Variants in IHO1 observed in about 807,000 individuals in gnomAD.
The protein encoded by IHO1 is interactor of HORMAD1 protein 1.
Under a neutral mutation model 31.0 loss-of-function variants are expected in IHO1, and 13 were observed. That is an observed-to-expected ratio of 0.42 (90% CI 0.27 to 0.67). The LOEUF is 0.67. Ranked by LOEUF, IHO1 falls within the 30% of genes least tolerant of loss-of-function variation. The pLI is 0.24. For missense variants in IHO1, 599 were observed against 687.5 expected, an observed-to-expected ratio of 0.87 and a Z score of 1.44; for synonymous variants, 221 against 248.4, an observed-to-expected ratio of 0.89 and a Z score of 1.04.
At chr3:49,212,764 G>A (rs542704058) in intron 2 of IHO1, among the ~76,000 whole-genome samples, 4 of 152,204 alleles carry the variant, frequency 2.6e-5, no homozygotes, top group African/African-American at 7.2e-5. Flanking sequence ...AGACCTTTGC[G>A]GTGAGTGTTA....
At chr3:49,200,647 T>G (rs1218724364) in intron 1 of IHO1, 4 of 823,614 alleles carry the variant, frequency 4.9e-6, no homozygotes, top group Non-Finnish European at 5.9e-6. Flanking sequence ...CCTTCCCTTG[T>G]ATATAGTTCC....
chr3:49,205,809 GCC>G (rs1203619786), intron 1 of IHO1, among the ~76,000 whole-genome samples: 28 of 128,484 alleles, frequency 2.2e-4, no homozygotes, highest in Non-Finnish European at 2.6e-4. Context: ...TTGCTCTGTC[GCC>G]CAGGCTGGAG....
chr3:49,213,518 A>G (rs2046248304), intron 2 of IHO1, among the ~76,000 whole-genome samples: 1 of 152,256 alleles, frequency 6.6e-6, no homozygotes, highest in Non-Finnish European at 1.5e-5. Flanking sequence ...GCTGCCTGCC[A>G]GTCCCACACC....
chr3:49,198,623 C>G (rs757518611), upstream of IHO1: 2 of 152,240 alleles, frequency 1.3e-5, no homozygotes, highest in South Asian at 2.1e-4. Flanking sequence ...CAGGTTCAAA[C>G]GATCCTCCCG....
At chr3:49,213,502 G>A (rs2046248078) in intron 2 of IHO1, among the ~76,000 whole-genome samples, 2 of 152,246 alleles carry the variant, frequency 1.3e-5, no homozygotes, top group Non-Finnish European at 2.9e-5. Context: ...TGGGGCCGCA[G>A]GCGGAGCTGC....
intron 7 of IHO1, 64 bp downstream of exon 7, chr3:49,255,557 A>AC: frequency 1.1e-6 from 1 of 898,990 alleles, no homozygotes; most frequent in Non-Finnish European, 1.6e-6. Flanking sequence ...CCAGAGAGAA[A>AC]CTTTTTTTTT....
At chr3:49,236,786 A>G (rs776173496) in intron 3 of IHO1, 64 bp downstream of exon 3, 7 of 1,488,342 alleles carry the variant, frequency 4.7e-6, no homozygotes, top group Non-Finnish European at 6.4e-6. Context: ...TAAACTATAA[A>G]GAATACTTAT....
chr3:49,227,946 C>G (rs2046435587), intron 2 of IHO1, among the ~76,000 whole-genome samples: 1 of 152,144 alleles, frequency 6.6e-6, no homozygotes, highest in Non-Finnish European at 1.5e-5. Flanking sequence ...AAAATTATGT[C>G]TTTCTTATTG....
At chr3:49,210,804 TCTC>T (rs2046202169) in intron 1 of IHO1, among the ~76,000 whole-genome samples, 1 of 148,082 alleles carries the variant, frequency 6.8e-6, no homozygotes, top group South Asian at 2.2e-4. Context: ...TTCAAGCAAT[TCTC>T]CTGCCTCAGC....
chr3:49,210,570 T>C (rs2046197605), intron 1 of IHO1, among the ~76,000 whole-genome samples: 2 of 151,852 alleles, frequency 1.3e-5, no homozygotes, highest in Non-Finnish European at 2.9e-5. Flanking sequence ...CTAATTTTTT[T>C]GTATTTTTAG....
At chr3:49,213,256 T>C (rs1215672054) in intron 2 of IHO1, among the ~76,000 whole-genome samples, 1 of 152,162 alleles carries the variant, frequency 6.6e-6, no homozygotes, top group Non-Finnish European at 1.5e-5. Flanking sequence ...TTTACAAACC[T>C]TGAGCTAGGC....
intron 2 of IHO1, among the ~76,000 whole-genome samples, chr3:49,232,794 T>C (rs1447263791): frequency 6.6e-6 from 1 of 152,220 alleles, no homozygotes; most frequent in African/African-American, 2.4e-5. Flanking sequence ...ATAGCGGTGA[T>C]CACCATTGCC....
At chr3:49,222,422 G>A (rs948986699) in intron 2 of IHO1, among the ~76,000 whole-genome samples, 5 of 152,094 alleles carry the variant, frequency 3.3e-5, no homozygotes, top group Non-Finnish European at 7.4e-5. Context: ...AAATAGGAAG[G>A]TAAGGAGGGT....
chr3:49,239,270 C>A (rs1302482940), intron 3 of IHO1, among the ~76,000 whole-genome samples: 9 of 144,750 alleles, frequency 6.2e-5, no homozygotes, highest in African/African-American at 2.5e-5. Context: ...CCATGCCTGG[C>A]CACACCAAGC....
intron 2 of IHO1, among the ~76,000 whole-genome samples, chr3:49,229,001 T>C (rs1314839325): frequency 6.6e-6 from 1 of 152,202 alleles, no homozygotes; most frequent in Non-Finnish European, 1.5e-5. Context: ...TGCTGATTGG[T>C]GCATTTACAA....
Position 49,256,971 on chromosome 3 carries a change from C to T in IHO1, c.1474C>T (p.Gln492Ter). Residue 492 changes from glutamine to a stop codon, truncating the protein, a stop_gained, in exon 8 of 8, where the codon CAG becomes TAG. Transcript: ENST00000452691. LOFTEE classifies it low-confidence loss of function (END_TRUNC). This position sits in a 1 kb window ranked among gnomAD's most constrained non-coding sequence, Gnocchi z 4.6. Reference sequence around the variant, plus strand: ...TGTCCCTCAAAGCCCCTTCCTGGGGCAGCAGGAACCCCGTGCTCAGCCTCT... The same window carrying T: ...TGTCCCTCAAAGCCCCTTCCTGGGGTAGCAGGAACCCCGTGCTCAGCCTCT... ...ISVPQSPFLG[Q>*]QEPRAQPLHL... The T allele has an allele frequency of 6.2e-7, 1 of 1,614,216 alleles. No individual in the cohort carries two copies. The highest frequency in any genetic ancestry group is 8.5e-7 in the Non-Finnish European group (1 of 1,180,032).
At chr3:49,223,706 G>A (rs1005219490) in intron 2 of IHO1, among the ~76,000 whole-genome samples, 2 of 151,578 alleles carry the variant, frequency 1.3e-5, no homozygotes, top group East Asian at 1.9e-4. Flanking sequence ...AAAAAAAGCC[G>A]GACCATTGTT....
the IHO1 span, chr3:49,191,639 G>A: frequency 4.6e-6 from 6 of 1,302,074 alleles, no homozygotes; most frequent in African/African-American, 2.9e-5. Context: ...CCTATTCCAG[G>A]TTGGATGCCA....
chr3:49,192,914 A>T, the IHO1 span, among the ~76,000 whole-genome samples: 22 of 151,980 alleles, frequency 1.4e-4, no homozygotes, highest in African/African-American at 5.1e-4. Context: ...GAATGAATGA[A>T]TGAATGAATG....
Sources: allele counts gnomAD v4.1 joint callset (sites outside exome capture counted in the v4.1 genomes callset), GRCh38; gene constraint gnomAD v4.1.1; non-coding constraint Gnocchi (gnomAD v3.1); transcripts MANE v1.5; gene names NCBI Gene and HGNC (gene_info 2026-07-23, HGNC 2026-07-21).